RIOK2: variants seen among roughly 807,000 people sequenced by gnomAD.
The protein encoded by RIOK2 is serine/threonine-protein kinase RIO2.
A neutral mutation model predicts 62.4 loss-of-function variants in RIOK2; 46 were observed. The observed-to-expected ratio is 0.74, with a 90% CI of 0.58 to 0.94. The LOEUF (loss-of-function observed/expected upper bound fraction) is 0.94. Ranked by LOEUF, RIOK2 falls within the 40% of genes least tolerant of loss-of-function variation. RIOK2 has a pLI of 0.00. For synonymous variants in RIOK2, 197 were observed against 216.0 expected (o/e 0.91, Z 0.77); for missense variants, 574 against 658.0 (o/e 0.87, Z 1.40).
chr5:97,173,903 C>T (rs530076134), intron 4 of RIOK2, among the ~76,000 whole-genome samples: 51 of 152,276 alleles, frequency 3.3e-4, no homozygotes, highest in Middle Eastern at 6.8e-3. Context: ...TTACAAAGCC[C>T]TGTTATTACT....
chr5:97,178,914 G>T, intron 2 of RIOK2, 141 bp downstream of exon 2: 1 of 900,278 alleles, frequency 1.1e-6, no homozygotes, highest in Non-Finnish European at 1.7e-6. Flanking sequence ...TGACTAATAG[G>T]ATATGGCCGA....
intron 1 of RIOK2, among the ~76,000 whole-genome samples, chr5:97,182,087 G>A (rs1299511338): frequency 1.3e-5 from 2 of 152,008 alleles, no homozygotes; most frequent in Admixed American, 1.3e-4. Context: ...TCCTTATCAT[G>A]GGGTTCACTC....
At chr5:97,170,876 G>A (rs1172105487) in intron 6 of RIOK2, among the ~76,000 whole-genome samples, 7 of 151,966 alleles carry the variant, frequency 4.6e-5, no homozygotes, top group Non-Finnish European at 7.4e-5. Context: ...TGTAAGGGCC[G>A]GGCGCAATGG....
chr5:97,171,911 A>G (rs1421995403), intron 5 of RIOK2, among the ~76,000 whole-genome samples: 3 of 152,198 alleles, frequency 2.0e-5, no homozygotes, highest in Non-Finnish European at 4.4e-5. Context: ...TGTTGAGACT[A>G]CAATGACTTC....
intron 4 of RIOK2, among the ~76,000 whole-genome samples, chr5:97,174,419 C>CA (rs1047033415): frequency 6.8e-6 from 1 of 147,692 alleles, no homozygotes; most frequent in Non-Finnish European, 1.5e-5. Context: ...GACTACACCT[C>CA]AAAAAAAGTT....
At chr5:97,174,353 G>A (rs1053638942) in intron 4 of RIOK2, among the ~76,000 whole-genome samples, 15 of 152,358 alleles carry the variant, frequency 9.8e-5, no homozygotes, top group African/African-American at 3.6e-4. Context: ...CCGGGAGGCA[G>A]AGGTTGCAGT....
intron 4 of RIOK2, 38 bp from the exon 5 acceptor site, chr5:97,173,301 G>T (rs374784166): frequency 3.2e-6 from 4 of 1,246,198 alleles, no homozygotes; most frequent in Non-Finnish European, 4.7e-6. Flanking sequence ...TAATGAACAG[G>T]TCATTACTCT....
At chr5:97,180,220 C>G (rs1357481451) in intron 1 of RIOK2, among the ~76,000 whole-genome samples, 1 of 139,544 alleles carries the variant, frequency 7.2e-6, no homozygotes, top group African/African-American at 2.7e-5. Context: ...AAATGGTATA[C>G]ATCTAAGTTT....
At chr5:97,167,197 C>T (rs920118264) in intron 8 of RIOK2, 15 of 1,315,858 alleles carry the variant, frequency 1.1e-5, no homozygotes, top group African/African-American at 1.5e-5. Flanking sequence ...AGATTACAGG[C>T]ATGAGCGAGC....
intron 8 of RIOK2, chr5:97,166,643 A>G: frequency 3.5e-6 from 2 of 565,408 alleles, no homozygotes; most frequent in Non-Finnish European, 4.5e-6. Context: ...AATATTTACA[A>G]AAAAAAATTA....
chr5:97,183,073 A>C, intron 1 of RIOK2, 53 bp downstream of exon 1: 2 of 1,582,562 alleles, frequency 1.3e-6, no homozygotes, highest in Non-Finnish European at 1.7e-6. Context: ...AGGAACAGGA[A>C]GAGGTCACAC....
chr5:97,167,619 T>C lies in RIOK2; in HGVS notation c.1245A>G (p.Glu415=), dbSNP rs1016730982. The C allele has an allele frequency of 6.2e-7, 1 of 1,614,084 alleles. No individual in the cohort carries two copies. Among genetic ancestry groups the C allele is most frequent in the African/African-American group, 1.3e-5 (1 of 74,950 alleles). ...GQVVENNSVT[E]FSEEKNRTEN... is the part of the protein sequence containing the mutation. ...CAGTTCTGTTTTTCTCCTCAGAAAA[T>C]TCAGTTACAGAGTTGTTTTCAACAA... Residue 415 remains glutamate (E), a synonymous_variant, in exon 8 of 10, where the codon GAA becomes GAG. Transcript: ENST00000283109.
intron 4 of RIOK2, 88 bp from the exon 5 acceptor site, chr5:97,173,351 G>GA (rs1043849029): frequency 8.7e-5 from 65 of 748,712 alleles, no homozygotes; most frequent in East Asian, 2.0e-4. Flanking sequence ...TCTACAACCA[G>GA]AAAAAAAACA....
At chr5:97,170,471 T>G (rs1470715643) in intron 6 of RIOK2, among the ~76,000 whole-genome samples, 5 of 152,316 alleles carry the variant, frequency 3.3e-5, no homozygotes, top group African/African-American at 1.2e-4. Flanking sequence ...TCATCGAGAT[T>G]ACTGAGTTAT....
In RIOK2 at chr5:97,162,375, AAC is replaced by A. The variant is rs1748727884; in HGVS notation, c.*684_*685del. 6.6e-6 allele frequency: 1 copy of A among 152,314 alleles called. No individual in the cohort carries two copies. The highest frequency in any genetic ancestry group is 1.5e-5 in the Non-Finnish European group (1 of 68,148). The allele number at this position is 152,314 out of a possible 1,614,324, so 9.4% of individuals were successfully genotyped here. A position where few individuals can be genotyped will look rare whatever the true frequency, so the allele number is the denominator to read the frequency against. Reference sequence around the variant, plus strand: ...CTTATATAATAAGCATATGAGAAAGAACATTTCATTCCTCATTCTACTCCACC... The same window carrying A: ...CTTATATAATAAGCATATGAGAAAGAATTTCATTCCTCATTCTACTCCACC... On this transcript the variant is annotated 3_prime_UTR_variant, in exon 10 of 10. Coordinates refer to ENST00000283109, the MANE Select transcript of RIOK2 (RefSeq NM_018343.3).
intron 9 of RIOK2, 36 bp from the exon 10 acceptor site, chr5:97,163,261 G>A (rs1298591113): frequency 5.1e-6 from 8 of 1,566,544 alleles, no homozygotes; most frequent in Non-Finnish European, 5.3e-6. Context: ...TACTGATAAT[G>A]AACCATTTCA....
intron 9 of RIOK2, among the ~76,000 whole-genome samples, chr5:97,164,622 A>T (rs1748795603): frequency 6.6e-6 from 1 of 152,192 alleles, no homozygotes; most frequent in South Asian, 2.1e-4. Context: ...CCTCACAGTG[A>T]CCAAGCTCAT....
In RIOK2 at chr5:97,171,372, G is replaced by T; in HGVS notation, c.613C>A (p.Pro205Thr). 1 of 1,551,894 alleles carries T rather than the reference G, an allele frequency of 6.4e-7. No individual in the cohort carries two copies. The highest frequency in any genetic ancestry group is 8.7e-7 in the Non-Finnish European group (1 of 1,148,856). The change falls in exon 6 of 10, where the codon CCT (proline) becomes ACT (threonine). Residue 205 changes from proline (P) to threonine (T), a missense_variant. By Grantham distance (38) the Pro-to-Thr change is conservative. Transcript: ENST00000283109. ...ATAGCTTCATCATATACTGATGCAG[G>T]ATCTTCAACATGGTGTATCTGACAT... The part of the protein sequence containing the change: ...PLCQIHHVED[P>T]ASVYDEAMEL...
chr5:97,166,038 G>T (rs111823111), intron 8 of RIOK2, among the ~76,000 whole-genome samples: 2,733 of 152,206 alleles, frequency 0.018, 45 homozygotes, highest in Middle Eastern at 0.041. Flanking sequence ...TGGGACATGG[G>T]TCCTCTCCTT....
Sources: gnomAD v4.1 joint callset for allele counts (sites outside exome capture counted in the v4.1 genomes callset) on GRCh38, gnomAD v4.1.1 for gene constraint, MANE v1.5 for transcripts, NCBI Gene and HGNC (gene_info 2026-07-23, HGNC 2026-07-21) for gene names.